Variants in TCAF2 observed in about 807,000 individuals in gnomAD.
The protein encoded by TCAF2 is TRPM8 channel associated factor 2.
Under a neutral mutation model 33.9 loss-of-function variants are expected in TCAF2, and 6 were observed. The ratio of observed to expected loss-of-function variants is 0.18; its 90% CI spans 0.10 to 0.35. The LOEUF is 0.35. TCAF2 is among the 10% of genes least tolerant of loss of function. TCAF2 has a pLI of 1.00. For synonymous variants in TCAF2, 41 were observed against 247.8 expected, an observed-to-expected ratio of 0.17 and a Z score of 7.84; for missense variants, 109 against 604.0, an observed-to-expected ratio of 0.18 and a Z score of 8.59.
At chr7:143,701,821 AT>A (rs1217656675) in intron 1 of TCAF2, among the ~76,000 whole-genome samples, 1 of 99,326 alleles carries the variant, frequency 1.0e-5, no homozygotes, top group Non-Finnish European at 2.2e-5. Context: ...ATTTTATTTT[AT>A]TTTATTTTTT....
Position 143,729,520 on chromosome 7 carries a change from A to G in TCAF2, c.*1853A>G, listed in dbSNP as rs776643508. 6.6e-6 allele frequency: 1 copy of G among 151,934 alleles called. No individual in the cohort carries two copies. The highest frequency in any genetic ancestry group is 2.4e-5 in the African/African-American group (1 of 41,354). 9.4% of individuals were successfully genotyped at this position (151,934 alleles called of 1,614,324 possible). On this transcript the variant is annotated 3_prime_UTR_variant, in exon 8 of 8. Coordinates refer to ENST00000684770, the MANE Select transcript of TCAF2 (RefSeq NM_001363538.2). The stretch of plus-strand genomic sequence containing the variant: ...GATTTTCTGCCTGCCTCAGAATGTG[A>G]TTTGTCTGCCTTTGGGTCATCCAGC...
At position 143,724,522 on chromosome 7, in the gene TCAF2, C is replaced by A. The variant is rs1247926885; in HGVS notation, c.2330C>A (p.Ala777Asp). ...GWEFPPHTTE[A>D]TCNLWSVYVH... ...GAGTTCCCCCCACACACTACTGAGGCCACCTGTAACCTTTGGTCAGTCTAC... is the reference window on the plus strand; with the variant it reads ...GAGTTCCCCCCACACACTACTGAGGACACCTGTAACCTTTGGTCAGTCTAC... The change falls in exon 7 of 8, where the codon GCC (alanine) becomes GAC (aspartate). Residue 777 changes from alanine to aspartate, a missense_variant. By Grantham distance (126) the Ala-to-Asp change is moderately radical (BLOSUM62 -2). Transcript: ENST00000684770. 28 of 1,610,862 alleles carry A rather than the reference C, an allele frequency of 1.7e-5. No individual in the cohort carries two copies. The highest frequency in any genetic ancestry group is 2.4e-5 in the Non-Finnish European group (28 of 1,179,420).
chr7:143,707,408 ATC>A (rs1809241291), intron 2 of TCAF2, among the ~76,000 whole-genome samples: 1 of 78,078 alleles, frequency 1.3e-5, no homozygotes, highest in African/African-American at 5.8e-5. Context: ...CAAATTTTAT[ATC>A]TCTTTTAAGA....
chr7:143,727,928 T>C lies in TCAF2; in HGVS notation c.*261T>C, dbSNP rs1809719987. 5.8e-6 allele frequency: 1 copy of C among 173,178 alleles called. No individual in the cohort carries two copies. The highest frequency in any genetic ancestry group is 6.1e-5 in the Admixed American group (1 of 16,330). 10.7% of individuals were successfully genotyped at this position (173,178 alleles called of 1,614,324 possible). On this transcript the variant is annotated 3_prime_UTR_variant, in exon 8 of 8. Coordinates refer to ENST00000684770, the MANE Select transcript of TCAF2 (RefSeq NM_001363538.2). ...TTAGTCTTCCAGAGAGGATCTTTCA[T>C]CCTGCCATCCTGAGGCTTCTATTTT...
chr7:143,724,943 G>GA (rs1254454171), intron 7 of TCAF2: 3 of 1,188,442 alleles, frequency 2.5e-6, no homozygotes, highest in African/African-American at 1.7e-5. Context: ...AAAATATTAT[G>GA]AAAAAAATAG....
At chr7:143,710,341 TTGAG>T (rs1809300718) in intron 2 of TCAF2, among the ~76,000 whole-genome samples, 1 of 5,354 alleles carries the variant, frequency 1.9e-4, no homozygotes, top group African/African-American at 3.7e-4. Flanking sequence ...CCTAGAGTGA[TTGAG>T]TGAGTAATTT....
Position 143,701,863 on chromosome 7 carries a change from A to G in TCAF2, c.-11-1121A>G, listed in dbSNP as rs1173586088. Among the ~76,000 whole-genome samples, 6 of 89,606 alleles carry G rather than the reference A, an allele frequency of 6.7e-5. No individual in the cohort carries two copies. In the South Asian group the frequency reaches 1.6e-3, roughly 25 times the overall value. The allele number at this position is 89,606 out of a possible 152,430, so 58.8% of individuals were successfully genotyped here. On this transcript the variant is annotated intron_variant, in intron 1 of 7. Coordinates refer to ENST00000684770, the MANE Select transcript of TCAF2 (RefSeq NM_001363538.2). ...AGAGTCTTGTTCTCTCGCACAGGCT[A>G]GAGTCCACTGGTGCGATATCGGCTC...
chr7:143,633,364 T>TAC, intron 1 of TCAF2, among the ~76,000 whole-genome samples: 1 of 118,150 alleles, frequency 8.5e-6, no homozygotes, highest in South Asian at 2.7e-4. Context: ...GTGGCTTAGG[T>TAC]TTATGACTGT....
rs1809783477 is a variant in TCAF2 at position 143,730,226 on chromosome 7, A to G, written c.*2559A>G. 6.6e-6 allele frequency: 1 copy of G among 152,202 alleles called. No individual in the cohort carries two copies. Among genetic ancestry groups the G allele is most frequent in the Non-Finnish European group, 1.5e-5 (1 of 68,034 alleles). 9.4% of individuals were successfully genotyped at this position (152,202 alleles called of 1,614,324 possible). On this transcript the variant is annotated 3_prime_UTR_variant, in exon 8 of 8. Transcript: ENST00000684770. ...TGAACTAATTTACACTCCCAACAAC[A>G]GTGTAAAAGCATTCCTGTTTCTCCA... is the stretch of plus-strand genomic sequence containing the variant.
In TCAF2 at chr7:143,730,022, G is replaced by T. The variant is rs966981862; in HGVS notation, c.*2355G>T. The T allele has an allele frequency of 5.9e-5, 9 of 152,124 alleles. No homozygotes were observed. The highest frequency in any genetic ancestry group is 2.1e-4 in the South Asian group (1 of 4,822). 9.4% of individuals were successfully genotyped at this position (152,124 alleles called of 1,614,324 possible). On this transcript the variant is annotated 3_prime_UTR_variant, in exon 8 of 8. Transcript: ENST00000684770. ...CAGTCTATCATTGGTGGGCATTTGG[G>T]TTGGTTCCAAGTCTTTGCTATTGTA... is the stretch of plus-strand genomic sequence containing the variant.
rs776709317 is a variant in TCAF2 at position 143,720,862 on chromosome 7, C to T, written c.1615+188C>T. On this transcript the variant is annotated intron_variant, in intron 3 of 7. Coordinates refer to ENST00000684770, the MANE Select transcript of TCAF2 (RefSeq NM_001363538.2). ...GTGGCGCGATCTCAGCTCATGCAAC[C>T]TCCACCTCCTGGGTTTAAGCAATTC... 8 of 754,638 alleles carry T rather than the reference C, an allele frequency of 1.1e-5. 2 individuals are homozygous for T. Among genetic ancestry groups the T allele is most frequent in the Non-Finnish European group, 1.5e-5 (8 of 541,370 alleles). The allele number at this position is 754,638 out of a possible 1,614,324, so 46.7% of individuals were successfully genotyped here.
Position 143,703,005 on chromosome 7 carries a change from T to TTGA in TCAF2, c.13_14insATG (p.Ile4_Ala5insAsp). The TTGA allele has an allele frequency of 2.9e-6, 1 of 346,276 alleles. No individual in the cohort carries two copies. The highest frequency in any genetic ancestry group is 2.2e-5 in the South Asian group (1 of 45,280). 21.5% of individuals were successfully genotyped at this position (346,276 alleles called of 1,614,324 possible). A position where few individuals can be genotyped will look rare whatever the true frequency, so the allele number is the denominator to read the frequency against. On this transcript the variant is annotated inframe_insertion, in exon 2 of 8. Coordinates refer to ENST00000684770, the MANE Select transcript of TCAF2 (RefSeq NM_001363538.2). ...GCAGCTGATAGAACCATGGCGACCA[T>TTGA]TGCTGCTGCTGCGTTTGAGGCCCTC... is the stretch of plus-strand genomic sequence containing the variant.
chr7:143,718,766 G>T (rs1349811653), intron 2 of TCAF2, among the ~76,000 whole-genome samples: 1 of 81,584 alleles, frequency 1.2e-5, no homozygotes, highest in Non-Finnish European at 2.4e-5. Flanking sequence ...CAATTTAATT[G>T]TGATGTGTTC....
At chr7:143,634,731 T>G in intron 1 of TCAF2, among the ~76,000 whole-genome samples, 1 of 31,002 alleles carries the variant, frequency 3.2e-5, no homozygotes, top group Middle Eastern at 0.017. Context: ...GATTGAGATC[T>G]AAAGAGATTT....
At position 143,647,747 on chromosome 7, in the gene TCAF2, C is replaced by T. The variant is rs1199434875; in HGVS notation, c.-12+26727C>T. 28 of 271,406 alleles carry T rather than the reference C, an allele frequency of 1.0e-4. 1 individual carries two copies. The highest frequency in any genetic ancestry group is 5.2e-4 in the African/African-American group (20 of 38,818). 16.8% of individuals were successfully genotyped at this position (271,406 alleles called of 1,614,324 possible). A position where few individuals can be genotyped will look rare whatever the true frequency, so the allele number is the denominator to read the frequency against. ...TCTATGTGCAGGTAAGAAGATTGCA[C>T]GGTTCATGTCAATCTTCACATTCTT... On this transcript the variant is annotated intron_variant, in intron 1 of 7. Coordinates refer to ENST00000684770, the MANE Select transcript of TCAF2 (RefSeq NM_001363538.2).
Position 143,720,884 on chromosome 7 carries a change from ATTC to A in TCAF2, c.1615+215_1615+217del, listed in dbSNP as rs1187855751. 3.7e-6 allele frequency: 2 copies of A among 546,066 alleles called. 1 individual carries two copies. The highest frequency in any genetic ancestry group is 5.6e-6 in the Non-Finnish European group (2 of 358,290). The allele number at this position is 546,066 out of a possible 1,614,324, so 33.8% of individuals were successfully genotyped here. ...AACCTCCACCTCCTGGGTTTAAGCA[ATTC>A]TTCTCTCTCAGCCTCCTGTGTTGCT... On this transcript the variant is annotated intron_variant, in intron 3 of 7. Coordinates refer to ENST00000684770, the MANE Select transcript of TCAF2 (RefSeq NM_001363538.2).
At position 143,724,578 on chromosome 7, in the gene TCAF2, GC is replaced by G. The variant is rs1438184076; in HGVS notation, c.2387del (p.Ala796ValfsTer7). On this transcript the variant is annotated frameshift_variant, in exon 7 of 8. Transcript: ENST00000684770. LOFTEE classifies it high-confidence loss of function. ...VHETVLGIPR[A>X]QAHEALSPPE... Reference sequence around the variant, plus strand: ...TGAAACAGTCCTGGGGATCCCCAGGGCTCAGGCCCACGAGGCTCTGAGCCCT... The same window carrying G: ...TGAAACAGTCCTGGGGATCCCCAGGGTCAGGCCCACGAGGCTCTGAGCCCT... The G allele has an allele frequency of 6.2e-7, 1 of 1,610,848 alleles. No individual in the cohort carries two copies. Among genetic ancestry groups the G allele is most frequent in the Admixed American group, 1.7e-5 (1 of 59,936 alleles).
rs942276777 is a variant in TCAF2 at position 143,728,658 on chromosome 7, G to C, written c.*991G>C. ...CCATGGAATCAAGGCACTGTCAAGTGGTGGGGGGTCCACAGGCACAGTGGG... is the reference window on the plus strand; with the variant it reads ...CCATGGAATCAAGGCACTGTCAAGTCGTGGGGGGTCCACAGGCACAGTGGG... On this transcript the variant is annotated 3_prime_UTR_variant, in exon 8 of 8. Transcript: ENST00000684770. The C allele has an allele frequency of 2.0e-5, 3 of 152,280 alleles. No homozygotes were observed. Among genetic ancestry groups the C allele is most frequent in the African/African-American group, 7.2e-5 (3 of 41,460 alleles). The allele number at this position is 152,280 out of a possible 1,614,324, so 9.4% of individuals were successfully genotyped here. A position where few individuals can be genotyped will look rare whatever the true frequency, so the allele number is the denominator to read the frequency against.
chr7:143,724,524 A>T lies in TCAF2; in HGVS notation c.2332A>T (p.Thr778Ser), dbSNP rs1469338838. Residue 778 changes from threonine to serine, a missense_variant, in exon 7 of 8, where the codon ACC becomes TCC. Thr to Ser is a moderately conservative substitution (Grantham distance 58, BLOSUM62 1). Coordinates refer to ENST00000684770, the MANE Select transcript of TCAF2 (RefSeq NM_001363538.2). The part of the protein sequence containing the change: ...WEFPPHTTEA[T>S]CNLWSVYVHE... ...GTTCCCCCCACACACTACTGAGGCC[A>T]CCTGTAACCTTTGGTCAGTCTACGT... is the stretch of plus-strand genomic sequence containing the variant. 32 of 1,610,820 alleles carry T rather than the reference A, an allele frequency of 2.0e-5. No homozygotes were observed. The highest frequency in any genetic ancestry group is 2.6e-5 in the Non-Finnish European group (31 of 1,179,480).
Sources: allele counts gnomAD v4.1 joint callset (sites outside exome capture counted in the v4.1 genomes callset), GRCh38; gene constraint gnomAD v4.1.1; transcripts MANE v1.5; gene names NCBI Gene and HGNC (gene_info 2026-07-23, HGNC 2026-07-21).